ENOX2: variants seen among roughly 807,000 people sequenced by gnomAD.
ENOX2 encodes ecto-NOX disulfide-thiol exchanger 2.
In ENOX2, 36 loss-of-function variants were observed where a neutral mutation model predicts 45.0. The ratio of observed to expected loss-of-function variants is 0.80; its 90% CI spans 0.61 to 1.06. The LOEUF (loss-of-function observed/expected upper bound fraction) is 1.06, where lower values mean the gene tolerates loss of function less well. Among genes scored for constraint, ENOX2 ranks in the 50% least tolerant of loss-of-function variants. ENOX2 has a pLI of 0.00. For synonymous variants in ENOX2, 174 were observed against 152.3 expected (o/e 1.14, Z -1.05); for missense variants, 423 against 462.5 (o/e 0.91, Z 0.78).
rs201614494 is a variant in ENOX2, at chrX:130,767,269, T to TA, written c.-39+16277dup. Among the ~76,000 whole-genome samples, 205 of 111,906 alleles carry TA rather than the reference T, an allele frequency of 1.8e-3. 2 individuals are homozygous for TA. In the East Asian group the frequency reaches 0.047, roughly 25 times the overall value. ...TTATCTGCCCCACTCACTAGAATGC[T>TA]ACACGAGAGCAGGAACATATATTGT... On this transcript the variant is annotated intron_variant, in intron 3 of 14. Coordinates refer to ENST00000394363, the MANE Select transcript of ENOX2 (RefSeq NM_006375.4).
chrX:130,667,560 T>A lies in ENOX2; in HGVS notation c.877A>T (p.Lys293Ter). ...ATGAGAATTCCAGAAAGGGCCTGCTTGAACTTCTCCTTTGCTTCTTCCATA... is the reference window on the plus strand; with the variant it reads ...ATGAGAATTCCAGAAAGGGCCTGCTAGAACTTCTCCTTTGCTTCTTCCATA... ...KDMEEAKEKF[K>*]QALSGILIQF... Residue 293 changes from lysine to a stop codon, truncating the protein, a stop_gained, in exon 8 of 15, where the codon AAG (lysine) becomes TAG (stop). Coordinates refer to ENST00000394363, the MANE Select transcript of ENOX2 (RefSeq NM_006375.4). LOFTEE classifies it high-confidence loss of function. 6 of 1,211,346 alleles carry A rather than the reference T, an allele frequency of 5.0e-6. No homozygotes were observed. Among genetic ancestry groups the A allele is most frequent in the Non-Finnish European group, 6.7e-6 (6 of 895,155 alleles).
At chrX:130,841,735 C>A (rs963136668) in intron 2 of ENOX2, among the ~76,000 whole-genome samples, 1 of 112,066 alleles carries the variant, frequency 8.9e-6, no homozygotes, top group African/African-American at 3.2e-5. Flanking sequence ...TGAAGGGCAA[C>A]AAAGCAGGGC....
At chrX:130,789,349 T>A (rs1390284638) in intron 2 of ENOX2, among the ~76,000 whole-genome samples, 2 of 112,127 alleles carry the variant, frequency 1.8e-5, no homozygotes, top group African/African-American at 3.2e-5. Flanking sequence ...CACTATCAGG[T>A]CAAATTAGGA....
At chrX:130,878,821 C>T (rs192017211) in intron 2 of ENOX2, among the ~76,000 whole-genome samples, 2 of 111,901 alleles carry the variant, frequency 1.8e-5, no homozygotes, top group African/African-American at 6.5e-5. Context: ...GTTTACTATC[C>T]CCTGTCACTT....
intron 5 of ENOX2, among the ~76,000 whole-genome samples, chrX:130,685,349 G>A (rs990757209): frequency 2.7e-5 from 3 of 111,803 alleles, no homozygotes; most frequent in Admixed American, 9.5e-5. Flanking sequence ...GTGAAATGGG[G>A]AGCCATTCAA....
intron 2 of ENOX2, among the ~76,000 whole-genome samples, chrX:130,900,165 C>T (rs2079121700): frequency 8.9e-6 from 1 of 111,975 alleles, no homozygotes; most frequent in Admixed American, 9.4e-5. Flanking sequence ...CAGCACTTCC[C>T]AAATTTCAGT....
intron 2 of ENOX2, among the ~76,000 whole-genome samples, chrX:130,848,128 T>C (rs1369420420): frequency 8.9e-6 from 1 of 111,969 alleles, no homozygotes; most frequent in East Asian, 2.8e-4. Flanking sequence ...CCCTAGGTTT[T>C]AAAAATAACT....
intron 3 of ENOX2, among the ~76,000 whole-genome samples, chrX:130,779,251 T>G (rs1233377527): frequency 3.6e-5 from 4 of 112,316 alleles, no homozygotes; most frequent in Non-Finnish European, 5.6e-5. Flanking sequence ...AAGGAAACAT[T>G]TCCATGGGGA....
chrX:130,831,874 T>C (rs1008369225), intron 2 of ENOX2, among the ~76,000 whole-genome samples: 2 of 111,437 alleles, frequency 1.8e-5, no homozygotes, highest in South Asian at 7.5e-4. Flanking sequence ...CAATAAATTT[T>C]TGCTGAACTA....
intron 2 of ENOX2, among the ~76,000 whole-genome samples, chrX:130,803,114 G>T (rs747983212): frequency 9.0e-6 from 1 of 111,708 alleles, no homozygotes; most frequent in Non-Finnish European, 1.9e-5. Context: ...ATATTTGTTG[G>T]ATCATGTAAT....
intron 2 of ENOX2, among the ~76,000 whole-genome samples, chrX:130,814,798 T>A (rs1276835464): frequency 9.0e-6 from 1 of 111,240 alleles, no homozygotes; most frequent in African/African-American, 3.3e-5. Context: ...GAAAAACCAG[T>A]GCAAAAAGTC....
intron 3 of ENOX2, among the ~76,000 whole-genome samples, chrX:130,733,655 C>T (rs2038791953): frequency 8.9e-6 from 1 of 112,382 alleles, no homozygotes; most frequent in Admixed American, 9.4e-5. Context: ...AAATGAATTT[C>T]AAGGGAATTA....
chrX:130,831,534 C>T (rs1255164695), intron 2 of ENOX2, among the ~76,000 whole-genome samples: 3 of 111,081 alleles, frequency 2.7e-5, no homozygotes, highest in African/African-American at 9.8e-5. Flanking sequence ...CGCAATACAA[C>T]CACTCATCTC....
intron 1 of ENOX2, among the ~76,000 whole-genome samples, chrX:130,902,271 G>A (rs1340834598): frequency 8.9e-6 from 1 of 111,793 alleles, no homozygotes; most frequent in Non-Finnish European, 1.9e-5. Context: ...GTCAACATTA[G>A]TGCTATCAGT....
At chrX:130,687,389 G>A (rs1256300265) in intron 5 of ENOX2, among the ~76,000 whole-genome samples, 1 of 112,541 alleles carries the variant, frequency 8.9e-6, no homozygotes, top group Non-Finnish European at 1.9e-5. Flanking sequence ...AACACTGGCA[G>A]TGCCTAAGTT....
intron 2 of ENOX2, among the ~76,000 whole-genome samples, chrX:130,886,985 C>T (rs950977554): frequency 1.8e-5 from 2 of 111,855 alleles, no homozygotes; most frequent in Non-Finnish European, 3.8e-5. Context: ...AGCAGAGAAG[C>T]GTGCACAATT....
intron 9 of ENOX2, among the ~76,000 whole-genome samples, chrX:130,663,705 G>A (rs1436340080): frequency 9.0e-6 from 1 of 110,912 alleles, no homozygotes; most frequent in Non-Finnish European, 1.9e-5. Flanking sequence ...TGTATCAAAG[G>A]GAAGGTAGAA....
intron 2 of ENOX2, among the ~76,000 whole-genome samples, chrX:130,791,784 A>G (rs1307538547): frequency 1.8e-5 from 2 of 111,586 alleles, no homozygotes; most frequent in East Asian, 5.7e-4. Flanking sequence ...GTGATGGTAG[A>G]CAATCACACA....
chrX:130,801,671 A>G lies in ENOX2; in HGVS notation c.-182-17981T>C, dbSNP rs780077901. On this transcript the variant is annotated intron_variant, in intron 2 of 14. Transcript: ENST00000394363. ...ATTTTCTATACAAATTAATAAAAATAATAAACTTATTCCTCACCCATGATC... is the reference window on the plus strand; with the variant it reads ...ATTTTCTATACAAATTAATAAAAATGATAAACTTATTCCTCACCCATGATC... Among the ~76,000 whole-genome samples the G allele has an allele frequency of 8.0e-5, 9 of 112,482 alleles. No homozygotes were observed. The East Asian group carries it at 2.5e-3, about 31-fold the overall frequency.
Sources: allele counts gnomAD v4.1 joint callset (sites outside exome capture counted in the v4.1 genomes callset), GRCh38; gene constraint gnomAD v4.1.1; transcripts MANE v1.5; gene names NCBI Gene and HGNC (gene_info 2026-07-23, HGNC 2026-07-21).